DAPK2: variants seen among roughly 807,000 people sequenced by gnomAD.
DAPK2 encodes death associated protein kinase 2.
A neutral mutation model predicts 44.1 loss-of-function variants in DAPK2; 35 were observed. The ratio of observed to expected loss-of-function variants is 0.79; its 90% CI spans 0.61 to 1.05. The LOEUF (loss-of-function observed/expected upper bound fraction) is 1.05. Ranked by LOEUF, DAPK2 falls within the 50% of genes least tolerant of loss-of-function variation. The pLI is 0.00. For synonymous variants in DAPK2, 174 were observed against 182.6 expected, an observed-to-expected ratio of 0.95 and a Z score of 0.38; for missense variants, 453 against 483.2, an observed-to-expected ratio of 0.94 and a Z score of 0.59.
rs547484112 is a variant in DAPK2, at chr15:63,965,461, CTGGCTA to C, written c.453+5956_453+5961del. ...AAGGCTTATAACAGCTGCCTGGCTA[CTGGCTA>C]TGTTTGCTCAAGGCCCTAGGGCTCT... is the stretch of plus-strand genomic sequence containing the variant. On this transcript the variant is annotated intron_variant, in intron 3 of 10. Coordinates refer to ENST00000261891, the Ensembl canonical transcript of DAPK2. 4.9e-3 allele frequency among the ~76,000 whole-genome samples: 740 copies of C among 152,304 alleles called. 5 individuals carry two copies. Among genetic ancestry groups the C allele is most frequent in the African/African-American group, 0.017 (687 of 41,580 alleles).
At chr15:64,023,854 G>T (rs922528812) in intron 1 of DAPK2, among the ~76,000 whole-genome samples, 8 of 152,238 alleles carry the variant, frequency 5.3e-5, no homozygotes, top group African/African-American at 1.7e-4. Context: ...ATCTGCTACA[G>T]GAGGCGGAAG....
intron 3 of DAPK2, among the ~76,000 whole-genome samples, chr15:63,962,490 C>T (rs1222760066): frequency 1.3e-5 from 2 of 152,086 alleles, no homozygotes; most frequent in African/African-American, 4.8e-5. Context: ...TTTTATGTAC[C>T]TTTGGTCTTT....
chr15:64,039,717 C>G (rs141640095), intron 1 of DAPK2, among the ~76,000 whole-genome samples: 1 of 152,132 alleles, frequency 6.6e-6, no homozygotes. Context: ...TGATGGGGCT[C>G]GTGTGGCTGG....
intron 3 of DAPK2, among the ~76,000 whole-genome samples, chr15:63,963,797 T>A (rs568315927): frequency 6.6e-6 from 1 of 152,248 alleles, no homozygotes; most frequent in African/African-American, 2.4e-5. Flanking sequence ...ATGACAACAA[T>A]GCTGATTGCA....
chr15:64,006,706 C>T (rs1030187034), intron 1 of DAPK2, among the ~76,000 whole-genome samples: 3 of 152,220 alleles, frequency 2.0e-5, no homozygotes, highest in South Asian at 2.1e-4. Context: ...CACCTATTCT[C>T]CCGGGCAGTG....
intron 7 of DAPK2, among the ~76,000 whole-genome samples, chr15:63,925,309 C>T (rs2079210895): frequency 1.3e-5 from 2 of 152,136 alleles, no homozygotes; most frequent in Non-Finnish European, 2.9e-5. Context: ...CCTTGCACTC[C>T]AGACAACCCC....
chr15:63,974,696 T>A (rs927351496), intron 2 of DAPK2, among the ~76,000 whole-genome samples: 2 of 152,182 alleles, frequency 1.3e-5, no homozygotes, highest in Non-Finnish European at 2.9e-5. Context: ...CTCTTCAGGA[T>A]CAGAAAAAGA....
rs141092090 is a variant in DAPK2 at position 64,001,359 on chromosome 15, G to A, written c.93-17605C>T. On this transcript the variant is annotated intron_variant, in intron 1 of 10. Coordinates refer to ENST00000261891, the Ensembl canonical transcript of DAPK2. ...CTTGGCCCGACAAAGAACAGTTACCGTATGTGATGGTGTAATCTCCTTCCT... is the reference window on the plus strand; with the variant it reads ...CTTGGCCCGACAAAGAACAGTTACCATATGTGATGGTGTAATCTCCTTCCT... 1.1e-3 allele frequency among the ~76,000 whole-genome samples: 168 copies of A among 152,266 alleles called. 1 individual carries two copies. Among genetic ancestry groups the A allele is most frequent in the African/African-American group, 3.7e-3 (153 of 41,556 alleles).
Position 63,930,321 on chromosome 15 carries a change from T to C in DAPK2, c.632+86A>G, listed in dbSNP as rs79392257. On this transcript the variant is annotated intron_variant, in intron 5 of 10. Coordinates refer to ENST00000261891, the Ensembl canonical transcript of DAPK2. Reference sequence around the variant, plus strand: ...AGTGTGGAGTAAGGGGCTTTCATGGTTAAGCGGATGTCACCTGGAGCAGGA... The same window carrying C: ...AGTGTGGAGTAAGGGGCTTTCATGGCTAAGCGGATGTCACCTGGAGCAGGA... 5,512 of 1,301,008 alleles carry C rather than the reference T, an allele frequency of 4.2e-3. 164 individuals carry two copies. In the African/African-American group the frequency reaches 0.071, roughly 17 times the overall value. 80.6% of individuals were successfully genotyped at this position (1,301,008 alleles called of 1,614,324 possible).
At chr15:63,989,336 C>T (rs2078754418) in intron 1 of DAPK2, among the ~76,000 whole-genome samples, 1 of 152,068 alleles carries the variant, frequency 6.6e-6, no homozygotes, top group Non-Finnish European at 1.5e-5. Context: ...CATACCACTG[C>T]ACTTCAGCCT....
intron 2 of DAPK2, among the ~76,000 whole-genome samples, chr15:63,981,227 C>A (rs2078501998): frequency 6.6e-6 from 1 of 152,014 alleles, no homozygotes; most frequent in Admixed American, 6.6e-5. Flanking sequence ...CTGAGATATC[C>A]CACTCTGCCC....
Position 63,961,047 on chromosome 15 carries a change from T to C in DAPK2, c.453+10376A>G, listed in dbSNP as rs2077885907. Among the ~76,000 whole-genome samples the C allele has an allele frequency of 2.6e-5, 4 of 152,196 alleles. No individual in the cohort carries two copies. In the South Asian group the frequency reaches 8.3e-4, roughly 32 times the overall value. ...TGGGTGCTCCTGTATTGGTTGCATATATATTTAGGATCGTTAGCACTTCTT... is the reference window on the plus strand; with the variant it reads ...TGGGTGCTCCTGTATTGGTTGCATACATATTTAGGATCGTTAGCACTTCTT... On this transcript the variant is annotated intron_variant, in intron 3 of 10. Coordinates refer to ENST00000261891, the Ensembl canonical transcript of DAPK2.
chr15:63,961,789 T>C (rs906451691), intron 3 of DAPK2, among the ~76,000 whole-genome samples: 1 of 152,214 alleles, frequency 6.6e-6, no homozygotes, highest in Admixed American at 6.5e-5. Context: ...TTTCCTTTAT[T>C]TCAACTTTGG....
intron 1 of DAPK2, among the ~76,000 whole-genome samples, chr15:63,988,432 A>C (rs192169605): frequency 6.6e-6 from 1 of 152,240 alleles, no homozygotes; most frequent in Admixed American, 6.5e-5. Context: ...TAAACAGGGC[A>C]TGAACCAAAT....
At chr15:63,997,907 C>T (rs557298341) in intron 1 of DAPK2, among the ~76,000 whole-genome samples, 2 of 152,098 alleles carry the variant, frequency 1.3e-5, no homozygotes, top group South Asian at 2.1e-4. Flanking sequence ...GAATGAAAAC[C>T]GCCTCATAAG....
chr15:63,982,405 G>A (rs900345369), intron 2 of DAPK2, among the ~76,000 whole-genome samples: 3 of 151,972 alleles, frequency 2.0e-5, no homozygotes, highest in Admixed American at 2.0e-4. Flanking sequence ...TAGCCAGGCT[G>A]GTCTCAAACT....
chr15:64,032,216 G>T (rs542914071), intron 1 of DAPK2, among the ~76,000 whole-genome samples: 1 of 152,210 alleles, frequency 6.6e-6, no homozygotes, highest in Non-Finnish European at 1.5e-5. Context: ...GATCAGAGAC[G>T]TGGTCCAGAA....
intron 2 of DAPK2, among the ~76,000 whole-genome samples, chr15:63,976,555 C>CAA (rs59261160): frequency 2.9e-5 from 4 of 136,070 alleles, no homozygotes; most frequent in Admixed American, 7.4e-5. Context: ...ACTGTCTCTA[C>CAA]AAAAAAAAAA....
intron 1 of DAPK2, among the ~76,000 whole-genome samples, chr15:64,024,201 A>AAT (rs2079769921): frequency 6.6e-6 from 1 of 152,168 alleles, no homozygotes; most frequent in Non-Finnish European, 1.5e-5. Context: ...AAATCAATTC[A>AAT]TCCTTCAACC....
Sources: allele counts gnomAD v4.1 joint callset (sites outside exome capture counted in the v4.1 genomes callset), GRCh38; gene constraint gnomAD v4.1.1; transcripts MANE v1.5; gene names NCBI Gene and HGNC (gene_info 2026-07-23, HGNC 2026-07-21).